FBXL20: variants seen among roughly 807,000 people sequenced by gnomAD.
The protein encoded by FBXL20 is F-box and leucine rich repeat protein 20.
Under a neutral mutation model 64.0 loss-of-function variants are expected in FBXL20, and 11 were observed. That is an observed-to-expected ratio of 0.17 (90% CI 0.11 to 0.28). The LOEUF is 0.28. Among genes scored for constraint, FBXL20 ranks in the 10% least tolerant of loss-of-function variants. FBXL20 has a pLI of 1.00. For missense variants in FBXL20, 303 were observed against 526.2 expected (o/e 0.58, Z 4.15); for synonymous variants, 184 against 189.0 (o/e 0.97, Z 0.22).
intron 1 of FBXL20, among the ~76,000 whole-genome samples, chr17:39,382,092 CAAAA>C (rs36115875): frequency 4.2e-5 from 3 of 71,412 alleles, no homozygotes; most frequent in South Asian, 5.4e-4. Context: ...GACTCCGTCT[CAAAA>C]AAAAAAAAAA....
chr17:39,355,883 C>T (rs2144601847), intron 1 of FBXL20, among the ~76,000 whole-genome samples: 1 of 145,450 alleles, frequency 6.9e-6, no homozygotes, highest in African/African-American at 2.6e-5. Context: ...AAAAGAACTC[C>T]TTTGCCTAAT....
intron 1 of FBXL20, among the ~76,000 whole-genome samples, chr17:39,401,153 G>A (rs887668547): frequency 6.6e-6 from 1 of 152,314 alleles, no homozygotes; most frequent in African/African-American, 2.4e-5. Flanking sequence ...CTGGTGGGAA[G>A]AGACGGGGGG....
intron 3 of FBXL20, among the ~76,000 whole-genome samples, chr17:39,301,308 T>A (rs1326494906): frequency 1.3e-5 from 2 of 152,124 alleles, no homozygotes; most frequent in Admixed American, 6.6e-5. Context: ...CAAAAGATCT[T>A]AGGCCAGGCA....
At chr17:39,263,074 G>C (rs1046394304) in intron 14 of FBXL20, among the ~76,000 whole-genome samples, 8 of 151,722 alleles carry the variant, frequency 5.3e-5, no homozygotes, top group African/African-American at 1.9e-4. Context: ...TGGTGGATAG[G>C]TCCAAAAGCA....
At chr17:39,286,035 G>A (rs1410472807) in intron 6 of FBXL20, among the ~76,000 whole-genome samples, 1 of 152,162 alleles carries the variant, frequency 6.6e-6, no homozygotes, top group Non-Finnish European at 1.5e-5. Flanking sequence ...TTTTTGCAAG[G>A]TATACAAAGG....
chr17:39,274,645 A>C (rs2046874430), intron 10 of FBXL20, among the ~76,000 whole-genome samples: 1 of 152,224 alleles, frequency 6.6e-6, no homozygotes, highest in Non-Finnish European at 1.5e-5. Flanking sequence ...TGGACCTTTA[A>C]AAACTACTTT....
intron 1 of FBXL20, among the ~76,000 whole-genome samples, chr17:39,369,082 A>G (rs964211906): frequency 6.6e-6 from 1 of 152,030 alleles, no homozygotes; most frequent in African/African-American, 2.4e-5. Context: ...TGCTATTTGA[A>G]GAAAGGAAAT....
intron 1 of FBXL20, among the ~76,000 whole-genome samples, chr17:39,392,335 G>A (rs1332550506): frequency 6.6e-6 from 1 of 151,402 alleles, no homozygotes; most frequent in Non-Finnish European, 1.5e-5. Flanking sequence ...AGCTACTCAG[G>A]AGGCTGAGGC....
chr17:39,374,952 A>G (rs2047953209), intron 1 of FBXL20, among the ~76,000 whole-genome samples: 1 of 151,914 alleles, frequency 6.6e-6, no homozygotes, highest in Non-Finnish European at 1.5e-5. Flanking sequence ...ACACCCAGCT[A>G]ATTTTCGTAT....
chr17:39,278,284 T>C (rs1159011762), intron 9 of FBXL20, among the ~76,000 whole-genome samples: 1 of 152,114 alleles, frequency 6.6e-6, no homozygotes, highest in Non-Finnish European at 1.5e-5. Context: ...TAGCTGGGAT[T>C]ACAGGCACAC....
chr17:39,361,415 A>G (rs528127708), intron 1 of FBXL20, among the ~76,000 whole-genome samples: 1 of 152,340 alleles, frequency 6.6e-6, no homozygotes, highest in Admixed American at 6.5e-5. Context: ...CAAAGAACTG[A>G]GAATATTGAG....
chr17:39,338,109 G>A (rs1458045652), intron 2 of FBXL20, among the ~76,000 whole-genome samples: 2 of 152,240 alleles, frequency 1.3e-5, no homozygotes, highest in African/African-American at 4.8e-5. Flanking sequence ...GGGAAAGGTG[G>A]GGAAAAGATT....
rs201061691 is a variant in FBXL20, at chr17:39,343,261, G to A, written c.43-20C>T. 5.9e-4 allele frequency: 917 copies of A among 1,553,832 alleles called. No individual in the cohort carries two copies. Among genetic ancestry groups the A allele is most frequent in the Middle Eastern group, 1.4e-3 (8 of 5,920 alleles). On this transcript the variant is annotated intron_variant, in intron 1 of 14. Transcript: ENST00000264658. ...GAACATCTGCAAAAACAAAATCATA[G>A]TGTCAAGTGTTACTTAACATTTTAT...
At chr17:39,350,381 T>C (rs1274568998) in intron 1 of FBXL20, among the ~76,000 whole-genome samples, 1 of 152,090 alleles carries the variant, frequency 6.6e-6, no homozygotes, top group East Asian at 1.9e-4. Flanking sequence ...CCCAGCTACC[T>C]GGGAGGCAGA....
intron 3 of FBXL20, among the ~76,000 whole-genome samples, chr17:39,301,709 C>T (rs1169047324): frequency 1.3e-5 from 2 of 150,464 alleles, no homozygotes; most frequent in Non-Finnish European, 3.0e-5. Context: ...GCCTGGGCGA[C>T]AGAGCGAAAC....
intron 1 of FBXL20, among the ~76,000 whole-genome samples, chr17:39,367,382 T>C (rs1408828602): frequency 1.3e-5 from 2 of 150,284 alleles, no homozygotes; most frequent in Non-Finnish European, 3.0e-5. Flanking sequence ...AGTGGCGCAA[T>C]CTCGGCTCAC....
intron 9 of FBXL20, among the ~76,000 whole-genome samples, chr17:39,276,222 A>G (rs1312382902): frequency 4.8e-5 from 4 of 83,836 alleles, no homozygotes; most frequent in South Asian, 7.2e-4. Flanking sequence ...GCAAGAAAAG[A>G]AAAAAAAAAA....
chr17:39,328,151 G>A (rs931684494), intron 2 of FBXL20, among the ~76,000 whole-genome samples: 25 of 150,282 alleles, frequency 1.7e-4, no homozygotes, highest in Non-Finnish European at 3.4e-4. Context: ...GGGAGGCTGC[G>A]GCAGGAGAAT....
chr17:39,282,611 G>A, intron 8 of FBXL20, 118 bp downstream of exon 8: 3 of 1,339,876 alleles, frequency 2.2e-6, no homozygotes, highest in South Asian at 3.0e-5. Context: ...TTTGTCTTTT[G>A]TCAATAATAC....
Sources: gnomAD v4.1 joint callset for allele counts (sites outside exome capture counted in the v4.1 genomes callset) on GRCh38, gnomAD v4.1.1 for gene constraint, MANE v1.5 for transcripts, NCBI Gene and HGNC (gene_info 2026-07-23, HGNC 2026-07-21) for gene names.